CSMD3: variants seen among roughly 807,000 people sequenced by gnomAD.
The protein encoded by CSMD3 is CUB and Sushi multiple domains 3.
Under a neutral mutation model 435.2 loss-of-function variants are expected in CSMD3, and 177 were observed. The observed-to-expected ratio is 0.41, with a 90% CI of 0.36 to 0.46. The LOEUF (loss-of-function observed/expected upper bound fraction) is 0.46, where lower values mean the gene tolerates loss of function less well. Ranked by LOEUF, CSMD3 falls within the 20% of genes least tolerant of loss-of-function variation. The probability of loss-of-function intolerance (pLI) is 0.34; values close to 1 mark genes in which losing one functional copy is unlikely to be tolerated. For missense variants in CSMD3, 4,265 were observed against 4,504.6 expected, an observed-to-expected ratio of 0.95 and a Z score of 1.52; for synonymous variants, 1,656 against 1,520.5, an observed-to-expected ratio of 1.09 and a Z score of -2.07.
chr8:113,349,522 C>G (rs2132899891), intron 1 of CSMD3, among the ~76,000 whole-genome samples: 1 of 152,212 alleles, frequency 6.6e-6, no homozygotes. Flanking sequence ...TGGCTCATAC[C>G]TGTAAACTCA....
chr8:113,432,311 C>T (rs16884674), intron 1 of CSMD3, among the ~76,000 whole-genome samples: 3,277 of 152,142 alleles, frequency 0.022, 99 homozygotes, highest in African/African-American at 0.074. Flanking sequence ...TGGTGCAAAG[C>T]CTCCCCAAAG....
intron 52 of CSMD3, among the ~76,000 whole-genome samples, chr8:112,304,321 T>C (rs1160216087): frequency 6.6e-6 from 1 of 151,832 alleles, no homozygotes; most frequent in Admixed American, 6.6e-5. Context: ...AAATATCATT[T>C]CTCTATCATT....
chr8:112,752,387 C>A (rs780138613), intron 13 of CSMD3, among the ~76,000 whole-genome samples: 3 of 152,112 alleles, frequency 2.0e-5, no homozygotes, highest in Non-Finnish European at 2.9e-5. Flanking sequence ...CTGAACAACC[C>A]CCAAATTTTT....
intron 14 of CSMD3, among the ~76,000 whole-genome samples, chr8:112,689,142 G>A (rs77353628): frequency 2.0e-5 from 3 of 152,110 alleles, no homozygotes; most frequent in East Asian, 1.9e-4. Flanking sequence ...TGAAGGGGAC[G>A]TATGCACTTT....
At chr8:112,876,859 C>T (rs2130131331) in intron 10 of CSMD3, among the ~76,000 whole-genome samples, 1 of 152,218 alleles carries the variant, frequency 6.6e-6, no homozygotes, top group Admixed American at 6.5e-5. Context: ...TTACAAAACC[C>T]CATTGTCTCA....
At chr8:112,735,229 T>G (rs1281812173) in intron 13 of CSMD3, among the ~76,000 whole-genome samples, 1 of 152,062 alleles carries the variant, frequency 6.6e-6, no homozygotes, top group Non-Finnish European at 1.5e-5. Flanking sequence ...AAGTTGGTTA[T>G]TTAATGACTA....
intron 16 of CSMD3, among the ~76,000 whole-genome samples, chr8:112,669,136 G>A (rs960552536): frequency 1.3e-5 from 2 of 151,576 alleles, no homozygotes; most frequent in African/African-American, 4.8e-5. Context: ...GGGTTCAAAC[G>A]ATTCTCCTGC....
chr8:113,372,868 A>G (rs1479263501), intron 1 of CSMD3, among the ~76,000 whole-genome samples: 1 of 149,998 alleles, frequency 6.7e-6, no homozygotes, highest in Non-Finnish European at 1.5e-5. Flanking sequence ...CGGGAAGCGG[A>G]GCTTGCAGTG....
At chr8:112,839,267 C>T (rs2132522636) in intron 11 of CSMD3, among the ~76,000 whole-genome samples, 1 of 151,766 alleles carries the variant, frequency 6.6e-6, no homozygotes, top group Non-Finnish European at 1.5e-5. Context: ...TTTTCTATGC[C>T]TTTAATATCT....
intron 22 of CSMD3, among the ~76,000 whole-genome samples, chr8:112,613,588 G>A (rs904880970): frequency 1.3e-5 from 2 of 151,944 alleles, no homozygotes; most frequent in Non-Finnish European, 2.9e-5. Context: ...ATTTTAACTG[G>A]AAATACCCTC....
At chr8:112,815,745 T>A (rs13267779) in intron 12 of CSMD3, among the ~76,000 whole-genome samples, 34,848 of 152,038 alleles carry the variant, frequency 0.23, 4,859 homozygotes, top group Non-Finnish European at 0.32. Flanking sequence ...AAACCCTTTT[T>A]TCAGGGAAAT....
chr8:112,351,575 T>C (rs971734935), intron 39 of CSMD3, among the ~76,000 whole-genome samples: 2 of 151,936 alleles, frequency 1.3e-5, no homozygotes, highest in Non-Finnish European at 2.9e-5. Flanking sequence ...TACATGGTGG[T>C]TTATAATAAA....
chr8:113,060,991 T>A (rs554611826), intron 5 of CSMD3, among the ~76,000 whole-genome samples: 2 of 152,310 alleles, frequency 1.3e-5, no homozygotes, highest in African/African-American at 4.8e-5. Context: ...CTCAATGTGA[T>A]CTGACTTTAA....
chr8:112,779,646 G>A (rs1194541495), intron 13 of CSMD3, among the ~76,000 whole-genome samples: 1 of 151,944 alleles, frequency 6.6e-6, no homozygotes, highest in African/African-American at 2.4e-5. Context: ...ATCAAATGAT[G>A]CAATGCCATA....
chr8:112,490,076 C>T (rs577813399), intron 31 of CSMD3, among the ~76,000 whole-genome samples: 1 of 152,162 alleles, frequency 6.6e-6, no homozygotes, highest in South Asian at 2.1e-4. Context: ...TGTTTATCAG[C>T]ACTTTGCTTC....
intron 5 of CSMD3, among the ~76,000 whole-genome samples, chr8:113,095,328 T>C (rs2090131015): frequency 6.6e-6 from 1 of 152,194 alleles, no homozygotes; most frequent in Non-Finnish European, 1.5e-5. Flanking sequence ...ACTTTCTTTT[T>C]AACCTATTGT....
chr8:112,418,425 T>C (rs1812141373), intron 32 of CSMD3, among the ~76,000 whole-genome samples: 2 of 152,118 alleles, frequency 1.3e-5, no homozygotes, highest in South Asian at 4.1e-4. Flanking sequence ...TAACATACAC[T>C]GTGCAGAACT....
At chr8:113,284,153 T>A (rs974994376) in intron 2 of CSMD3, among the ~76,000 whole-genome samples, 1 of 151,932 alleles carries the variant, frequency 6.6e-6, no homozygotes, top group African/African-American at 2.4e-5. Context: ...AAGTGATGGG[T>A]GCACCAAAAT....
At chr8:112,863,858 T>C (rs968496442) in intron 10 of CSMD3, among the ~76,000 whole-genome samples, 7 of 100,132 alleles carry the variant, frequency 7.0e-5, no homozygotes, top group African/African-American at 2.7e-4. Flanking sequence ...AAAATAGAAA[T>C]AGTAGAAAAA....
Sources: gnomAD v4.1 joint callset for allele counts (sites outside exome capture counted in the v4.1 genomes callset) on GRCh38, gnomAD v4.1.1 for gene constraint, MANE v1.5 for transcripts, NCBI Gene and HGNC (gene_info 2026-07-23, HGNC 2026-07-21) for gene names.